Variants in CMTM8 observed in about 807,000 individuals in gnomAD.
CMTM8 encodes the protein CKLF like MARVEL transmembrane domain containing 8, also known as CKLF-like MARVEL transmembrane domain-containing protein 8.
Under a neutral mutation model 18.6 loss-of-function variants are expected in CMTM8, and 12 were observed. The ratio of observed to expected loss-of-function variants is 0.65; its 90% CI spans 0.41 to 1.05. CMTM8 has a LOEUF of 1.05. CMTM8 is among the 50% of genes least tolerant of loss of function. The pLI, the probability that CMTM8 is intolerant of heterozygous loss-of-function variation, is 0.00. For synonymous variants in CMTM8, 87 were observed against 90.6 expected, an observed-to-expected ratio of 0.96 and a Z score of 0.23; for missense variants, 217 against 227.2, an observed-to-expected ratio of 0.95 and a Z score of 0.29.
At chr3:32,242,957 A>G (rs1234965099) in intron 1 of CMTM8, among the ~76,000 whole-genome samples, 1 of 151,778 alleles carries the variant, frequency 6.6e-6, no homozygotes, top group South Asian at 2.1e-4. Context: ...CAGTAGTGCA[A>G]TCCCAGCTCA....
chr3:32,246,889 G>A (rs1702022636), intron 1 of CMTM8, among the ~76,000 whole-genome samples: 1 of 152,084 alleles, frequency 6.6e-6, no homozygotes, highest in South Asian at 2.1e-4. Flanking sequence ...ATCACCTGAG[G>A]TCAGGAGTTC....
chr3:32,351,343 G>A (rs1696702785), intron 1 of CMTM8, among the ~76,000 whole-genome samples: 1 of 152,142 alleles, frequency 6.6e-6, no homozygotes, highest in African/African-American at 2.4e-5. Flanking sequence ...CAAAAATACA[G>A]GAGAATGTTT....
chr3:32,328,757 C>G (rs537297957), intron 1 of CMTM8, among the ~76,000 whole-genome samples: 165 of 152,190 alleles, frequency 1.1e-3, no homozygotes, highest in Non-Finnish European at 1.5e-3. Context: ...AGATAAACTT[C>G]TAGAAACCTA....
chr3:32,339,518 C>A (rs1696452504), intron 1 of CMTM8, among the ~76,000 whole-genome samples: 1 of 152,176 alleles, frequency 6.6e-6, no homozygotes, highest in Admixed American at 6.5e-5. Flanking sequence ...CTGCTAAGGG[C>A]CAGCTCTCCA....
chr3:32,272,920 TA>T (rs1702460059), intron 1 of CMTM8, among the ~76,000 whole-genome samples: 1 of 152,150 alleles, frequency 6.6e-6, no homozygotes, highest in African/African-American at 2.4e-5. Context: ...ACCCTGTACC[TA>T]GATGAAAGCT....
chr3:32,280,846 C>CAAAAAAAAAA (rs60845487), intron 1 of CMTM8, among the ~76,000 whole-genome samples: 1 of 68,172 alleles, frequency 1.5e-5, no homozygotes, highest in Non-Finnish European at 2.6e-5. Context: ...AGAAAATAGG[C>CAAAAAAAAAA]AAAAAAAAAA....
At position 32,331,112 on chromosome 3, in the gene CMTM8, TCAA is replaced by T. The variant is rs944788156; in HGVS notation, c.148-26248_148-26246del. ...AGAATATATAAAGAACTCCTACAACTCAACAACAACAACAATAAAAATCAAATG... is the reference window on the plus strand; with the variant it reads ...AGAATATATAAAGAACTCCTACAACTCAACAACAACAATAAAAATCAAATG... On this transcript the variant is annotated intron_variant, in intron 1 of 3. Coordinates refer to ENST00000307526, the MANE Select transcript of CMTM8 (RefSeq NM_178868.5). Among the ~76,000 whole-genome samples, 325 of 152,062 alleles carry T rather than the reference TCAA, an allele frequency of 2.1e-3. 2 individuals carry two copies. Among genetic ancestry groups the T allele is most frequent in the East Asian group, 4.3e-3 (22 of 5,168 alleles).
chr3:32,275,232 C>G (rs1702498050), intron 1 of CMTM8, among the ~76,000 whole-genome samples: 2 of 151,348 alleles, frequency 1.3e-5, no homozygotes, highest in African/African-American at 4.9e-5. Flanking sequence ...TCAGGCTGGT[C>G]TCGAACTCCT....
chr3:32,333,578 T>C (rs941441358), intron 1 of CMTM8, among the ~76,000 whole-genome samples: 9 of 147,924 alleles, frequency 6.1e-5, no homozygotes, highest in Admixed American at 2.1e-4. Context: ...TTTCGCTAGA[T>C]CTAACCCATT....
chr3:32,308,456 G>A (rs906690192), intron 1 of CMTM8, among the ~76,000 whole-genome samples: 1 of 152,170 alleles, frequency 6.6e-6, no homozygotes, highest in African/African-American at 2.4e-5. Flanking sequence ...TTTCCAGCCC[G>A]CAGTTTCTTC....
intron 1 of CMTM8, among the ~76,000 whole-genome samples, chr3:32,256,148 GA>G (rs1209625566): frequency 1.5e-4 from 23 of 152,256 alleles, no homozygotes. Flanking sequence ...ACCTAGGCTG[GA>G]ATGCTGTGGC....
chr3:32,329,760 A>G (rs745656092), intron 1 of CMTM8, among the ~76,000 whole-genome samples: 1 of 152,240 alleles, frequency 6.6e-6, no homozygotes, highest in African/African-American at 2.4e-5. Flanking sequence ...CAGAAGTCCT[A>G]TCCAGGCGAG....
intron 1 of CMTM8, among the ~76,000 whole-genome samples, chr3:32,299,586 G>A (rs1695572050): frequency 6.6e-6 from 1 of 151,996 alleles, no homozygotes; most frequent in South Asian, 2.1e-4. Flanking sequence ...TGGAAAATGA[G>A]GTATCTATTC....
chr3:32,301,743 A>G (rs2125563475), intron 1 of CMTM8, among the ~76,000 whole-genome samples: 1 of 151,536 alleles, frequency 6.6e-6, no homozygotes, highest in East Asian at 1.9e-4. Context: ...AAAAAAAAAA[A>G]AAGAAAGAAA....
intron 1 of CMTM8, among the ~76,000 whole-genome samples, chr3:32,347,797 T>C (rs113324920): frequency 6.6e-6 from 1 of 152,126 alleles, no homozygotes. Context: ...CCTCCCACAT[T>C]GTGATGGAGA....
At chr3:32,294,040 G>A (rs1005490549) in intron 1 of CMTM8, among the ~76,000 whole-genome samples, 3 of 152,138 alleles carry the variant, frequency 2.0e-5, no homozygotes, top group Non-Finnish European at 4.4e-5. Context: ...CATGAGAGTC[G>A]TGCCCTTTGG....
Position 32,320,085 on chromosome 3 carries a change from C to T in CMTM8, c.148-37288C>T, listed in dbSNP as rs1050208622. 7.9e-5 allele frequency among the ~76,000 whole-genome samples: 12 copies of T among 152,318 alleles called. No homozygotes were observed. In the East Asian group the frequency reaches 2.3e-3, roughly 29 times the overall value. On this transcript the variant is annotated intron_variant, in intron 1 of 3. Coordinates refer to ENST00000307526, the MANE Select transcript of CMTM8 (RefSeq NM_178868.5). ...AAATTGACCCCTTGCTGGGCCACTC[C>T]CTCAGCTCCTGAGCAAGCTTCCCTT...
intron 2 of CMTM8, among the ~76,000 whole-genome samples, chr3:32,361,867 TCAAAG>T (rs1156468116): frequency 6.6e-6 from 1 of 152,074 alleles, no homozygotes; most frequent in Non-Finnish European, 1.5e-5. Flanking sequence ...AGCTAAAAGT[TCAAAG>T]CAATAAAATT....
intron 1 of CMTM8, among the ~76,000 whole-genome samples, chr3:32,352,615 G>A (rs964299848): frequency 2.0e-5 from 3 of 152,128 alleles, no homozygotes; most frequent in African/African-American, 7.2e-5. Context: ...AATACTACAG[G>A]GTCCATTTAT....
Sources: gnomAD v4.1 joint callset for allele counts (sites outside exome capture counted in the v4.1 genomes callset) on GRCh38, gnomAD v4.1.1 for gene constraint, MANE v1.5 for transcripts, NCBI Gene and HGNC (gene_info 2026-07-23, HGNC 2026-07-21) for gene names.